The following TRIM67 variants were observed in gnomAD, a reference collection of about 807,000 sequenced individuals.
TRIM67 encodes tripartite motif containing 67, also known as tripartite motif-containing protein 67.
A neutral mutation model predicts 71.0 loss-of-function variants in TRIM67; 39 were observed. The observed-to-expected ratio is 0.55, with a 90% CI of 0.43 to 0.72. The LOEUF (loss-of-function observed/expected upper bound fraction) is 0.72, where lower values mean the gene tolerates loss of function less well. Ranked by LOEUF, TRIM67 falls within the 30% of genes least tolerant of loss-of-function variation. The pLI, the probability that TRIM67 is intolerant of heterozygous loss-of-function variation, is 0.00. For missense variants in TRIM67, 973 were observed against 1,079.2 expected (o/e 0.90, Z 1.38); for synonymous variants, 481 against 473.9 (o/e 1.01, Z -0.19).
At chr1:231,189,053 G>A (rs113586714) in intron 1 of TRIM67, among the ~76,000 whole-genome samples, 9 of 152,258 alleles carry the variant, frequency 5.9e-5, no homozygotes, top group African/African-American at 1.4e-4. Flanking sequence ...CAAAGCTGAC[G>A]ATCCAGGTAG....
chr1:231,199,588 G>A (rs1027886901), intron 3 of TRIM67, among the ~76,000 whole-genome samples: 3 of 152,092 alleles, frequency 2.0e-5, no homozygotes, highest in Admixed American at 6.6e-5. Flanking sequence ...TCCCACCAAG[G>A]GAAGACGAGA....
At chr1:231,178,432 T>C (rs1039483840) in intron 1 of TRIM67, among the ~76,000 whole-genome samples, 1 of 152,212 alleles carries the variant, frequency 6.6e-6, no homozygotes, top group African/African-American at 2.4e-5. Context: ...CATGTGCGTG[T>C]TCAATAAAAG....
chr1:231,199,428 G>A (rs2102748183), intron 3 of TRIM67, among the ~76,000 whole-genome samples: 1 of 152,252 alleles, frequency 6.6e-6, no homozygotes, highest in Middle Eastern at 3.4e-3. Flanking sequence ...TCTGTCTAAG[G>A]GACTATTCTT....
In TRIM67 at chr1:231,218,798, G is replaced by A. The variant is rs1039355420; in HGVS notation, c.*3358G>A. On this transcript the variant is annotated 3_prime_UTR_variant, in exon 10 of 10. Transcript: ENST00000366653. ...AGGAGGGTGGTGCTTTCCGGATTGA[G>A]CCTGGGCAGGCTCTGTGGAGCTCAC... 5.1e-6 allele frequency: 5 copies of A among 985,326 alleles called. No homozygotes were observed. The highest frequency in any genetic ancestry group is 6.0e-6 in the Non-Finnish European group (5 of 829,954). The allele number at this position is 985,326 out of a possible 1,614,324, so 61.0% of individuals were successfully genotyped here. A position where few individuals can be genotyped will look rare whatever the true frequency, so the allele number is the denominator to read the frequency against.
At chr1:231,213,420 C>T (rs527594592) in intron 8 of TRIM67, among the ~76,000 whole-genome samples, 4 of 152,226 alleles carry the variant, frequency 2.6e-5, no homozygotes, top group African/African-American at 4.8e-5. Context: ...GAGGTTGTTC[C>T]CAGCATCCTA....
In TRIM67 at chr1:231,197,387, C is replaced by A. The variant is rs1420086764; in HGVS notation, c.1061C>A (p.Ala354Asp). ...WKQHKAQLSQ[A>D]LNGVSDKAKE... ...CTTTTTCAGGCACAACTATCTCAGGCCTTAAATGGAGTTTCAGATAAGGCA... is the reference window on the plus strand; with the variant it reads ...CTTTTTCAGGCACAACTATCTCAGGACTTAAATGGAGTTTCAGATAAGGCA... Residue 354 changes from alanine to aspartate, a missense_variant, in exon 2 of 10, where the codon GCC becomes GAC. Around this residue, in one of 2 missense-constraint regions of TRIM67, gnomAD observed 795 missense variants for 831.3 expected, o/e 0.96. Coordinates refer to ENST00000366653, the MANE Select transcript of TRIM67 (RefSeq NM_001004342.5). 1.9e-6 allele frequency: 3 copies of A among 1,613,874 alleles called. No individual in the cohort carries two copies. The highest frequency in any genetic ancestry group is 1.7e-5 in the Admixed American group (1 of 60,022).
rs768460219 is a variant in TRIM67 at position 231,201,466 on chromosome 1, C to T, written c.1483C>T (p.Pro495Ser). Residue 495 changes from proline (P) to serine (S), a missense_variant, in exon 5 of 10, where the codon CCG becomes TCG. Pro to Ser is a moderately conservative substitution (Grantham distance 74). Around this residue, in one of 2 missense-constraint regions of TRIM67, gnomAD observed 795 missense variants for 831.3 expected, o/e 0.96. Coordinates refer to ENST00000366653, the MANE Select transcript of TRIM67 (RefSeq NM_001004342.5). ...GTTTGATCTGACTTTGGACAGCGAG[C>T]CGCTGCTGCAGGCCATCCACCAGCT... Reference protein sequence around the residue: ...AEFDLTLDSEPLLQAIHQLDF... With the variant: ...AEFDLTLDSESLLQAIHQLDF... 2 of 1,613,854 alleles carry T rather than the reference C, an allele frequency of 1.2e-6. No homozygotes were observed. The highest frequency in any genetic ancestry group is 1.1e-5 in the South Asian group (1 of 91,006).
intron 1 of TRIM67, among the ~76,000 whole-genome samples, chr1:231,182,103 G>A (rs948071107): frequency 6.6e-6 from 1 of 152,132 alleles, no homozygotes; most frequent in Non-Finnish European, 1.5e-5. Flanking sequence ...TTTCATATCA[G>A]GTGCAAAGCT....
At position 231,217,136 on chromosome 1, in the gene TRIM67, A is replaced by C; in HGVS notation, c.*1696A>C. On this transcript the variant is annotated 3_prime_UTR_variant, in exon 10 of 10. Coordinates refer to ENST00000366653, the MANE Select transcript of TRIM67 (RefSeq NM_001004342.5). ...CCCCCTCCACTCAGCAGGCCCGACAATCCTACCTCAAAGCTCATGCTCTTG... is the reference window on the plus strand; with the variant it reads ...CCCCCTCCACTCAGCAGGCCCGACACTCCTACCTCAAAGCTCATGCTCTTG... 1.0e-6 allele frequency: 1 copy of C among 985,774 alleles called. No homozygotes were observed. The highest frequency in any genetic ancestry group is 1.7e-5 in the African/African-American group (1 of 57,292). The allele number at this position is 985,774 out of a possible 1,614,324, so 61.1% of individuals were successfully genotyped here. A position where few individuals can be genotyped will look rare whatever the true frequency, so the allele number is the denominator to read the frequency against.
chr1:231,167,082 T>C (rs1682488341), intron 1 of TRIM67, among the ~76,000 whole-genome samples: 1 of 152,148 alleles, frequency 6.6e-6, no homozygotes, highest in Non-Finnish European at 1.5e-5. Flanking sequence ...CAGCTCTGAA[T>C]TAAACTGGGT....
intron 1 of TRIM67, among the ~76,000 whole-genome samples, chr1:231,185,680 A>G (rs1318050739): frequency 1.3e-5 from 2 of 151,962 alleles, no homozygotes; most frequent in African/African-American, 4.9e-5. Flanking sequence ...CGTTCTGCAC[A>G]GGCTCTGTAC....
At chr1:231,194,986 T>G (rs1297238674) in intron 1 of TRIM67, among the ~76,000 whole-genome samples, 1 of 152,176 alleles carries the variant, frequency 6.6e-6, no homozygotes, top group Non-Finnish European at 1.5e-5. Context: ...TGCCTCTGCC[T>G]CTGAGTAGCT....
chr1:231,186,638 T>A (rs1452720681), intron 1 of TRIM67, among the ~76,000 whole-genome samples: 1 of 152,178 alleles, frequency 6.6e-6, no homozygotes. Context: ...ACACCAGTCC[T>A]GCTGGATTAG....
chr1:231,214,594 G>T (rs1268788271), intron 9 of TRIM67, among the ~76,000 whole-genome samples: 1 of 151,354 alleles, frequency 6.6e-6, no homozygotes, highest in East Asian at 2.0e-4. Context: ...GGCTAACACG[G>T]TGAAACCCTG....
chr1:231,204,081 C>T lies in TRIM67; in HGVS notation c.1680+69C>T, dbSNP rs1683629693. On this transcript the variant is annotated intron_variant, in intron 6 of 9. Transcript: ENST00000366653. Reference sequence around the variant, plus strand: ...GCAGAGGCAGGAGTGGCTCCCACTGCCCCAGACTCTGGTTCAGCCCATGGG... The same window carrying T: ...GCAGAGGCAGGAGTGGCTCCCACTGTCCCAGACTCTGGTTCAGCCCATGGG... The T allele has an allele frequency of 3.1e-6, 5 of 1,589,674 alleles. No homozygotes were observed. In the South Asian group the frequency reaches 4.5e-5, roughly 14 times the overall value.
chr1:231,197,306 G>T (rs1683390875), intron 1 of TRIM67, 65 bp from the exon 2 acceptor site: 2 of 1,401,434 alleles, frequency 1.4e-6, no homozygotes, highest in Non-Finnish European at 2.0e-6. Context: ...CTTTTATGAT[G>T]AAGTGCAAAT....
At chr1:231,210,780 C>G (rs998060005) in intron 8 of TRIM67, among the ~76,000 whole-genome samples, 5 of 151,884 alleles carry the variant, frequency 3.3e-5, no homozygotes, top group African/African-American at 1.2e-4. Flanking sequence ...TGGCTTGCAC[C>G]TGCAATCCCA....
chr1:231,193,491 ACTCTCTCTCAAGCTCTCT>A (rs1558300148), intron 1 of TRIM67, among the ~76,000 whole-genome samples: 1 of 30,770 alleles, frequency 3.2e-5, no homozygotes, highest in Non-Finnish European at 7.7e-5. Flanking sequence ...AGACACCTGA[ACTCTCTCTCAAGCTCTCT>A]CTCTCTCTCT....
intron 1 of TRIM67, chr1:231,187,542 G>T (rs899409305): frequency 7.8e-6 from 12 of 1,532,554 alleles, no homozygotes; most frequent in Admixed American, 3.9e-5. Context: ...CAGATAAAAA[G>T]GTGAGAGAAA....
Sources: gnomAD v4.1 joint callset for allele counts (sites outside exome capture counted in the v4.1 genomes callset) on GRCh38, gnomAD v4.1.1 for gene constraint, gnomAD v4.1.1 regional missense constraint, MANE v1.5 for transcripts, NCBI Gene and HGNC (gene_info 2026-07-23, HGNC 2026-07-21) for gene names.